Variants in MKLN1 observed in about 807,000 individuals in gnomAD.
MKLN1 encodes the protein muskelin.
In MKLN1, 18 loss-of-function variants were observed where a neutral mutation model predicts 99.0. That is an observed-to-expected ratio of 0.18 (90% confidence interval 0.13 to 0.27). The LOEUF is 0.27. Ranked by LOEUF, MKLN1 falls within the 10% of genes least tolerant of loss-of-function variation. MKLN1 has a pLI of 1.00. For missense variants in MKLN1, 621 were observed against 875.9 expected, an observed-to-expected ratio of 0.71 and a Z score of 3.67; for synonymous variants, 288 against 293.2, an observed-to-expected ratio of 0.98 and a Z score of 0.18.
At chr7:131,341,494 A>G (rs1217620931) in intron 1 of MKLN1, among the ~76,000 whole-genome samples, 2 of 152,144 alleles carry the variant, frequency 1.3e-5, no homozygotes, top group Non-Finnish European at 2.9e-5. Flanking sequence ...CAAAGTTTAT[A>G]TTGTATCATG....
At chr7:131,352,844 T>C (rs528721597) in intron 1 of MKLN1, among the ~76,000 whole-genome samples, 2 of 152,344 alleles carry the variant, frequency 1.3e-5, no homozygotes, top group East Asian at 3.9e-4. Flanking sequence ...TGTTTTTGTT[T>C]CTGCATGTAA....
At chr7:131,202,145 A>G (rs1192679488) in intron 2 of MKLN1, among the ~76,000 whole-genome samples, 3 of 65,776 alleles carry the variant, frequency 4.6e-5, no homozygotes, top group African/African-American at 1.6e-4. Flanking sequence ...GGCACTATTG[A>G]CTTTTTTTTT....
intron 3 of MKLN1, 112 bp downstream of exon 3, chr7:131,387,374 C>A: frequency 1.0e-6 from 1 of 956,438 alleles, no homozygotes; most frequent in Admixed American, 2.7e-5. Context: ...AAAGAGTATT[C>A]CTTCTATTCT....
At chr7:131,381,516 T>C (rs950241428) in intron 2 of MKLN1, among the ~76,000 whole-genome samples, 4 of 152,184 alleles carry the variant, frequency 2.6e-5, no homozygotes, top group African/African-American at 9.7e-5. Flanking sequence ...TGTTTTTGTT[T>C]ATACAAATTA....
chr7:131,177,597 GT>G (rs1584811182), intron 2 of MKLN1, among the ~76,000 whole-genome samples: 1 of 151,724 alleles, frequency 6.6e-6, no homozygotes, highest in East Asian at 1.9e-4. Context: ...TATCATTATA[GT>G]TGTCTATATT....
intron 1 of MKLN1, among the ~76,000 whole-genome samples, chr7:131,370,370 G>GT (rs76887131): frequency 0.034 from 3,025 of 88,788 alleles, 42 homozygotes; most frequent in African/African-American, 0.056. Context: ...GATTTAAAGT[G>GT]TTTTTTTTTT....
At chr7:131,298,497 A>G (rs1222242982) in intron 3 of MKLN1, among the ~76,000 whole-genome samples, 3 of 152,152 alleles carry the variant, frequency 2.0e-5, no homozygotes, top group African/African-American at 2.4e-5. Context: ...GGCTCACTCA[A>G]TTTCCATTAG....
At chr7:131,135,000 T>C (rs1328697887) in intron 1 of MKLN1, among the ~76,000 whole-genome samples, 1 of 152,222 alleles carries the variant, frequency 6.6e-6, no homozygotes, top group Non-Finnish European at 1.5e-5. Flanking sequence ...TGGAACAGTT[T>C]TCCCTCTCCA....
rs756654680 is a variant in MKLN1 at position 131,399,418 on chromosome 7, G to A, written c.688G>A (p.Glu230Lys). 6 of 1,613,848 alleles carry A rather than the reference G, an allele frequency of 3.7e-6. No homozygotes were observed. The Admixed American group carries it at 6.7e-5, about 18-fold the overall frequency. ...GDFDACEELI[E>K]KAVNDGLFNQ... The stretch of plus-strand genomic sequence containing the variant: ...TTTTGATGCTTGCGAAGAGTTGATT[G>A]AAAAGGCTGTAAATGGTATGAAACT... The change falls in exon 6 of 18, where the codon GAA (glutamate) becomes AAA (lysine). Residue 230 changes from glutamate (E) to lysine (K), a missense_variant. Physicochemically the swap from Glu to Lys is moderately conservative, Grantham distance 56. This residue lies in a region of MKLN1 where 361 missense variants were observed against 540.8 expected (regional missense o/e 0.67). Transcript: ENST00000352689.
chr7:131,479,789 TGCACTCCA>T (rs1204793573), intron 17 of MKLN1, among the ~76,000 whole-genome samples: 1 of 151,754 alleles, frequency 6.6e-6, no homozygotes, highest in East Asian at 1.9e-4. Flanking sequence ...ATTGCGCCAC[TGCACTCCA>T]GCCTGGGCGA....
intron 2 of MKLN1, among the ~76,000 whole-genome samples, chr7:131,196,493 G>A (rs1796646867): frequency 6.6e-6 from 1 of 151,170 alleles, no homozygotes; most frequent in Admixed American, 6.7e-5. Flanking sequence ...AAAAAAGTCT[G>A]TGAAGGCTTT....
At chr7:131,203,962 T>A (rs1796767846) in intron 3 of MKLN1, among the ~76,000 whole-genome samples, 1 of 152,232 alleles carries the variant, frequency 6.6e-6, no homozygotes, top group Non-Finnish European at 1.5e-5. Context: ...TATCTTGATT[T>A]AGACATGAGA....
intron 8 of MKLN1, among the ~76,000 whole-genome samples, chr7:131,424,861 A>G (rs1795312707): frequency 6.6e-6 from 1 of 152,076 alleles, no homozygotes; most frequent in African/African-American, 2.4e-5. Flanking sequence ...TTACCTTGCT[A>G]CCCCTCTGCC....
At chr7:131,353,937 A>G (rs907836850) in intron 1 of MKLN1, among the ~76,000 whole-genome samples, 15 of 146,146 alleles carry the variant, frequency 1.0e-4, no homozygotes, top group Non-Finnish European at 1.9e-4. Flanking sequence ...AGTTGGGCAT[A>G]TATGTGTGGG....
At chr7:131,305,950 A>T (rs918200687) in intron 3 of MKLN1, among the ~76,000 whole-genome samples, 2 of 152,166 alleles carry the variant, frequency 1.3e-5, no homozygotes, top group African/African-American at 4.8e-5. Flanking sequence ...CTCATCTCAA[A>T]TTATAATCCC....
chr7:131,376,793 T>C (rs1793680046), intron 2 of MKLN1, among the ~76,000 whole-genome samples: 1 of 151,930 alleles, frequency 6.6e-6, no homozygotes. Context: ...ATCTTTCCTC[T>C]AACCCCTCCC....
intron 3 of MKLN1, among the ~76,000 whole-genome samples, chr7:131,283,469 G>T (rs1584889798): frequency 7.6e-6 from 1 of 131,192 alleles, no homozygotes; most frequent in East Asian, 2.2e-4. Context: ...TCACTCTGTT[G>T]CCCAAAACAG....
At chr7:131,459,263 A>G (rs927094132) in intron 12 of MKLN1, among the ~76,000 whole-genome samples, 4 of 152,230 alleles carry the variant, frequency 2.6e-5, no homozygotes, top group African/African-American at 9.6e-5. Flanking sequence ...CTTGTGACCT[A>G]CTATCAGACA....
At chr7:131,112,924 G>C (rs1795220339) in intron 1 of MKLN1, among the ~76,000 whole-genome samples, 1 of 152,200 alleles carries the variant, frequency 6.6e-6, no homozygotes, top group Non-Finnish European at 1.5e-5. Flanking sequence ...AGAAATGTGA[G>C]ATTTGTGCCA....
Sources: allele counts gnomAD v4.1 joint callset (sites outside exome capture counted in the v4.1 genomes callset), GRCh38; gene constraint gnomAD v4.1.1; regional missense constraint gnomAD v4.1.1; transcripts MANE v1.5; gene names NCBI Gene and HGNC (gene_info 2026-07-23, HGNC 2026-07-21).